Variants in REC114 observed in about 807,000 individuals in gnomAD.
The protein encoded by REC114 is REC114 meiotic recombination protein.
In REC114, 27 loss-of-function variants were observed where a neutral mutation model predicts 31.3. That is an observed-to-expected ratio of 0.86 (90% confidence interval 0.64 to 1.19). The LOEUF is 1.19. Among genes scored for constraint, REC114 ranks in the 50% most tolerant of loss-of-function variants. The pLI, the probability that REC114 is intolerant of heterozygous loss-of-function variation, is 0.00. For synonymous variants in REC114, 134 were observed against 127.7 expected (o/e 1.05, Z -0.33); for missense variants, 344 against 326.9 (o/e 1.05, Z -0.40).
chr15:73,503,562 A>C (rs1310069059), intron 2 of REC114, among the ~76,000 whole-genome samples: 2 of 152,182 alleles, frequency 1.3e-5, no homozygotes, highest in Admixed American at 6.5e-5. Context: ...GGGTGGGTAC[A>C]TGGATGTTCA....
At chr15:73,466,474 AAC>A (rs1893061254) in intron 1 of REC114, among the ~76,000 whole-genome samples, 1 of 152,070 alleles carries the variant, frequency 6.6e-6, no homozygotes, top group African/African-American at 2.4e-5. Context: ...GAATCACTTG[AAC>A]CTGGGAGGCA....
chr15:73,548,241 T>C (rs956208644), intron 3 of REC114, among the ~76,000 whole-genome samples: 32 of 152,164 alleles, frequency 2.1e-4, no homozygotes, highest in Admixed American at 1.8e-3. Flanking sequence ...CCCGAATAGC[T>C]GGGACTACAG....
chr15:73,479,763 C>CT (rs995087363), intron 2 of REC114, among the ~76,000 whole-genome samples: 1 of 152,048 alleles, frequency 6.6e-6, no homozygotes, highest in African/African-American at 2.4e-5. Flanking sequence ...AGGATGCCTT[C>CT]TTTTTTAAGG....
At chr15:73,478,293 TG>T (rs1173436211) in intron 2 of REC114, among the ~76,000 whole-genome samples, 1 of 148,816 alleles carries the variant, frequency 6.7e-6, no homozygotes, top group East Asian at 2.0e-4. Context: ...AAAAAGAATT[TG>T]GGTTTATTTT....
At chr15:73,534,296 T>TA (rs1208841135) in intron 2 of REC114, among the ~76,000 whole-genome samples, 2 of 150,940 alleles carry the variant, frequency 1.3e-5, no homozygotes, top group African/African-American at 4.9e-5. Context: ...GCAAGACTAA[T>TA]AAAAAAAGAG....
At chr15:73,553,514 C>A (rs1789565395) in intron 4 of REC114, among the ~76,000 whole-genome samples, 1 of 151,990 alleles carries the variant, frequency 6.6e-6, no homozygotes, top group South Asian at 2.1e-4. Flanking sequence ...TGGAGTGTAA[C>A]AAAAAAACCC....
At chr15:73,492,731 G>C (rs935709580) in intron 2 of REC114, among the ~76,000 whole-genome samples, 8 of 152,172 alleles carry the variant, frequency 5.3e-5, no homozygotes, top group African/African-American at 1.9e-4. Flanking sequence ...GAGTTTTCCA[G>C]AGTTATTCTG....
At chr15:73,466,890 C>CT (rs1893068721) in intron 1 of REC114, among the ~76,000 whole-genome samples, 1 of 152,148 alleles carries the variant, frequency 6.6e-6, no homozygotes, top group African/African-American at 2.4e-5. Context: ...ACTGTGCTAT[C>CT]TTTGTTTTAT....
At chr15:73,541,855 A>T (rs1384096081) in intron 3 of REC114, among the ~76,000 whole-genome samples, 1 of 152,222 alleles carries the variant, frequency 6.6e-6, no homozygotes, top group Admixed American at 6.5e-5. Context: ...CTAAAATTTT[A>T]AACTAACTAC....
chr15:73,444,981 C>T (rs1892746105), intron 1 of REC114, among the ~76,000 whole-genome samples: 1 of 152,142 alleles, frequency 6.6e-6, no homozygotes. Flanking sequence ...AATATTTTGA[C>T]AAGAATCTTT....
intron 2 of REC114, among the ~76,000 whole-genome samples, chr15:73,492,383 A>G (rs1400595956): frequency 6.6e-6 from 1 of 152,204 alleles, no homozygotes; most frequent in Non-Finnish European, 1.5e-5. Context: ...ATAACAATCT[A>G]TCCATTGATG....
At chr15:73,514,453 C>G (rs1000814706) in intron 2 of REC114, among the ~76,000 whole-genome samples, 3 of 152,116 alleles carry the variant, frequency 2.0e-5, no homozygotes, top group African/African-American at 7.2e-5. Flanking sequence ...CCTATTCGGC[C>G]ATCTTGGCTC....
At chr15:73,506,954 T>G (rs1893686981) in intron 2 of REC114, among the ~76,000 whole-genome samples, 1 of 151,746 alleles carries the variant, frequency 6.6e-6, no homozygotes, top group Non-Finnish European at 1.5e-5. Flanking sequence ...AGTCTTGGAG[T>G]GAAAAGGCCT....
chr15:73,448,504 A>C (rs988452288), intron 1 of REC114, among the ~76,000 whole-genome samples: 5 of 152,094 alleles, frequency 3.3e-5, no homozygotes, highest in Admixed American at 1.3e-4. Context: ...CCAGTCAGGG[A>C]CTTATAGATA....
chr15:73,498,300 C>T (rs1288177449), intron 2 of REC114, among the ~76,000 whole-genome samples: 2 of 152,044 alleles, frequency 1.3e-5, no homozygotes, highest in Non-Finnish European at 2.9e-5. Flanking sequence ...ATTTGTTTCT[C>T]CATCCTCTTT....
chr15:73,512,020 ATCTG>A, intron 2 of REC114, among the ~76,000 whole-genome samples: 1 of 120,248 alleles, frequency 8.3e-6, no homozygotes, highest in East Asian at 2.4e-4. Flanking sequence ...TGTCTCATTG[ATCTG>A]TCTAATGTTG....
At chr15:73,467,443 G>A (rs550734586) in intron 1 of REC114, among the ~76,000 whole-genome samples, 2 of 152,268 alleles carry the variant, frequency 1.3e-5, no homozygotes, top group South Asian at 4.1e-4. Context: ...CTCTTGCTCT[G>A]CATCACCATT....
chr15:73,513,492 C>A (rs1372075202), intron 2 of REC114, among the ~76,000 whole-genome samples: 1 of 149,022 alleles, frequency 6.7e-6, no homozygotes, highest in Admixed American at 6.7e-5. Context: ...TGGTGAGGAA[C>A]TGCGTTCCTT....
chr15:73,491,860 G>A (rs1285501060), intron 2 of REC114, among the ~76,000 whole-genome samples: 4 of 151,716 alleles, frequency 2.6e-5, no homozygotes, highest in Admixed American at 6.6e-5. Context: ...AGATCATGCC[G>A]CTACACTCCA....
Sources: allele counts gnomAD v4.1 joint callset (sites outside exome capture counted in the v4.1 genomes callset), GRCh38; gene constraint gnomAD v4.1.1; transcripts MANE v1.5; gene names NCBI Gene and HGNC (gene_info 2026-07-23, HGNC 2026-07-21).